The following MILR1 variants were observed in gnomAD, a reference collection of about 807,000 sequenced individuals.
The protein encoded by MILR1 is mast cell immunoglobulin like receptor 1.
Under a neutral mutation model 18.5 loss-of-function variants are expected in MILR1, and 31 were observed. The observed-to-expected ratio is 1.68, with a 90% CI of 1.26 to 2.26. The LOEUF is 2.26. Ranked by LOEUF, MILR1 falls within the 30% of genes most tolerant of loss-of-function variation. The pLI, the probability that MILR1 is intolerant of heterozygous loss-of-function variation, is 0.00. For synonymous variants in MILR1, 85 were observed against 56.2 expected (o/e 1.51, Z -2.30); for missense variants, 257 against 157.4 (o/e 1.63, Z -3.38).
At chr17:64,460,672 G>A (rs2037411366) in intron 4 of MILR1, 150 bp from the exon 5 acceptor site, 6 of 367,806 alleles carry the variant, frequency 1.6e-5, no homozygotes, top group Admixed American at 9.1e-5. Context: ...AATAAGTCCC[G>A]TGAGTTTTAG....
At chr17:64,491,744 T>C in the MILR1 span, 3 of 760,270 alleles carry the variant, frequency 3.9e-6, no homozygotes, top group East Asian at 8.6e-5. Context: ...TCTACTGCCT[T>C]TCCTACAAGG....
At chr17:64,495,791 C>T in the MILR1 span, among the ~76,000 whole-genome samples, 1 of 151,954 alleles carries the variant, frequency 6.6e-6, no homozygotes, top group Non-Finnish European at 1.5e-5. Flanking sequence ...TCACTGCAAC[C>T]TCTGCCTCCT....
At chr17:64,471,468 C>A (rs781880921), downstream of MILR1, among the ~76,000 whole-genome samples, 35 of 152,304 alleles carry the variant, frequency 2.3e-4, no homozygotes, top group African/African-American at 8.2e-4. Context: ...TCACCCCAGG[C>A]ACTGCAAACA....
At chr17:64,482,113 T>TTTTTTTC in the MILR1 span, among the ~76,000 whole-genome samples, 2 of 143,136 alleles carry the variant, frequency 1.4e-5, no homozygotes, top group Non-Finnish European at 3.1e-5. Context: ...TTTTTTTTTT[T>TTTTTTTC]TTTTTTCTGA....
chr17:64,451,109 T>G (rs1203757332), intron 2 of MILR1, among the ~76,000 whole-genome samples: 2 of 151,508 alleles, frequency 1.3e-5, no homozygotes, highest in East Asian at 3.9e-4. Flanking sequence ...GTGGATATAA[T>G]CACTTTTACT....
chr17:64,478,106 A>G, the MILR1 span: 4 of 998,946 alleles, frequency 4.0e-6, no homozygotes, highest in Non-Finnish European at 6.0e-6. Context: ...TCAGGGCTTA[A>G]GGGTGGACCA....
intron 3 of MILR1, 67 bp from the exon 4 acceptor site, chr17:64,457,333 A>G: frequency 4.5e-6 from 2 of 441,038 alleles, no homozygotes; most frequent in Non-Finnish European, 4.1e-6. Flanking sequence ...GGTTCCACTC[A>G]TATTTGTGGT....
the MILR1 span, chr17:64,496,900 AC>A: frequency 6.2e-7 from 1 of 1,611,478 alleles, no homozygotes. Flanking sequence ...CATCTACTCG[AC>A]CCCCAAACCC....
At chr17:64,486,723 G>GA in the MILR1 span, among the ~76,000 whole-genome samples, 2 of 152,080 alleles carry the variant, frequency 1.3e-5, no homozygotes, top group African/African-American at 4.8e-5. Flanking sequence ...AGGCCTTAGG[G>GA]AAAAAAATGG....
rs2037326135 is a variant in MILR1, at chr17:64,457,456, CAT to C, written c.428_429del (p.Ile143AsnfsTer19). 2.7e-5 allele frequency: 13 copies of C among 475,260 alleles called. No individual in the cohort carries two copies. In the South Asian group the frequency reaches 8.7e-4, roughly 32 times the overall value. The allele number at this position is 475,260 out of a possible 1,614,324, so 29.4% of individuals were successfully genotyped here. A position where few individuals can be genotyped will look rare whatever the true frequency, so the allele number is the denominator to read the frequency against. On this transcript the variant is annotated frameshift_variant, in exon 4 of 10. Transcript: ENST00000619286. LOFTEE classifies it high-confidence loss of function. The part of the protein sequence containing the change: ...IMVIQTETDR[H>X]ITLHCLSVNG... ...GGTCATTCAAACAGAAACAGACCGA[CAT>C]ATAACATTACATTGCCTCTCAGTCA... is the stretch of plus-strand genomic sequence containing the variant.
intron 8 of MILR1, among the ~76,000 whole-genome samples, chr17:64,466,971 C>CTCTT (rs545587436): frequency 6.6e-6 from 1 of 151,944 alleles, no homozygotes; most frequent in Non-Finnish European, 1.5e-5. Flanking sequence ...CTCCCTCTCT[C>CTCTT]TCTTTCTTTC....
At chr17:64,492,776 T>C in the MILR1 span, 1 of 1,606,324 alleles carries the variant, frequency 6.2e-7, no homozygotes, top group African/African-American at 1.3e-5. Context: ...ACCAATACTT[T>C]AGATATAAAA....
At chr17:64,459,635 T>C (rs1263779082) in intron 4 of MILR1, among the ~76,000 whole-genome samples, 2 of 152,134 alleles carry the variant, frequency 1.3e-5, no homozygotes, top group African/African-American at 2.4e-5. Flanking sequence ...TTCCATTCAC[T>C]GGCTGTGTGA....
the MILR1 span, among the ~76,000 whole-genome samples, chr17:64,481,830 G>A: frequency 9.6e-4 from 146 of 151,900 alleles, 1 homozygote; most frequent in African/African-American, 3.5e-3. Flanking sequence ...AGCCGAGATC[G>A]TGCCACTGCA....
intron 3 of MILR1, among the ~76,000 whole-genome samples, chr17:64,453,119 A>G (rs1598089355): frequency 6.8e-6 from 1 of 147,090 alleles, no homozygotes; most frequent in Admixed American, 6.9e-5. Flanking sequence ...CCCAGGCTGG[A>G]GTACAGTGGT....
chr17:64,478,057 C>T, the MILR1 span: 2 of 1,534,112 alleles, frequency 1.3e-6, no homozygotes, highest in Non-Finnish European at 9.0e-7. Context: ...ACGTTGCCAG[C>T]TGTAATTCAG....
In MILR1 at chr17:64,465,628, G is replaced by A. The variant is rs2037538558; in HGVS notation, c.853+87G>A. 3.6e-6 allele frequency: 5 copies of A among 1,405,562 alleles called. No individual in the cohort carries two copies. The South Asian group carries it at 6.3e-5, about 18-fold the overall frequency. 87.1% of individuals were successfully genotyped at this position (1,405,562 alleles called of 1,614,324 possible). A position where few individuals can be genotyped will look rare whatever the true frequency, so the allele number is the denominator to read the frequency against. ...GGTTGTACAGACATACGGGAGTGGG[G>A]GGTGGAGCAAAAGGGATAGAGTTCA... On this transcript the variant is annotated intron_variant, in intron 6 of 9. Transcript: ENST00000619286.
chr17:64,496,745 C>G, the MILR1 span: 1 of 1,614,102 alleles, frequency 6.2e-7, no homozygotes, highest in Non-Finnish European at 8.5e-7. Context: ...GAAATGCCTT[C>G]TCTGACAGAT....
At chr17:64,472,465 CAAAA>C (rs71158332), downstream of MILR1, among the ~76,000 whole-genome samples, 15 of 13,902 alleles carry the variant, frequency 1.1e-3, no homozygotes, top group African/African-American at 2.3e-3. Flanking sequence ...GACTCCATCT[CAAAA>C]AAAAAAAAAA....
Sources: allele counts gnomAD v4.1 joint callset (sites outside exome capture counted in the v4.1 genomes callset), GRCh38; gene constraint gnomAD v4.1.1; transcripts MANE v1.5; gene names NCBI Gene and HGNC (gene_info 2026-07-23, HGNC 2026-07-21).